TAFA5: variants seen among roughly 807,000 people sequenced by gnomAD.
TAFA5 encodes the protein TAFA chemokine like family member 5.
Under a neutral mutation model 15.3 loss-of-function variants are expected in TAFA5, and 6 were observed. The ratio of observed to expected loss-of-function variants is 0.39; its 90% CI spans 0.21 to 0.77. The LOEUF is 0.77. Ranked by LOEUF, TAFA5 falls within the 30% of genes least tolerant of loss-of-function variation. TAFA5 has a pLI of 0.41. For missense variants in TAFA5, 161 were observed against 193.1 expected (o/e 0.83, Z 0.98); for synonymous variants, 103 against 80.7 (o/e 1.28, Z -1.48).
chr22:48,590,896 G>A (rs1336725659), intron 1 of TAFA5, among the ~76,000 whole-genome samples: 1 of 151,340 alleles, frequency 6.6e-6, no homozygotes, highest in Non-Finnish European at 1.5e-5. Context: ...CTGTCATCCA[G>A]GCTGGAGTGC....
At chr22:48,543,896 C>T (rs1922559715) in intron 1 of TAFA5, 1 of 152,268 alleles carries the variant, frequency 6.6e-6, no homozygotes, top group South Asian at 2.1e-4. Flanking sequence ...TGGGTGATCC[C>T]CTTGTGGGGC....
intron 3 of TAFA5, among the ~76,000 whole-genome samples, chr22:48,723,997 C>T (rs1929643826): frequency 6.6e-6 from 1 of 152,236 alleles, no homozygotes; most frequent in Admixed American, 6.5e-5. Flanking sequence ...AACCCCTGCC[C>T]ATCTGGTCAT....
intron 1 of TAFA5, among the ~76,000 whole-genome samples, chr22:48,630,046 G>A (rs1463614064): frequency 6.6e-6 from 1 of 152,204 alleles, no homozygotes; most frequent in African/African-American, 2.4e-5. Context: ...GCCAATCCCA[G>A]CCTGGGAGGA....
intron 2 of TAFA5, among the ~76,000 whole-genome samples, chr22:48,666,178 G>A (rs954335378): frequency 7.9e-5 from 12 of 152,238 alleles, no homozygotes; most frequent in Middle Eastern, 3.4e-3. Context: ...GCAGATGGTC[G>A]GGGAGGTTCA....
chr22:48,675,066 C>T (rs554473662), intron 2 of TAFA5, among the ~76,000 whole-genome samples: 8 of 152,132 alleles, frequency 5.3e-5, no homozygotes, highest in South Asian at 4.2e-4. Context: ...CTTAGCCTCC[C>T]GAGTAGCTGG....
At chr22:48,506,044 A>G (rs1920991757) in intron 1 of TAFA5, among the ~76,000 whole-genome samples, 1 of 152,078 alleles carries the variant, frequency 6.6e-6, no homozygotes, top group African/African-American at 2.4e-5. Context: ...TCTTGGGAGC[A>G]GGTTTGTGCA....
chr22:48,510,860 G>A (rs1921184648), intron 1 of TAFA5, among the ~76,000 whole-genome samples: 1 of 152,236 alleles, frequency 6.6e-6, no homozygotes, highest in Admixed American at 6.5e-5. Flanking sequence ...GCAGGCATTT[G>A]ATAGACTTCC....
chr22:48,624,120 T>C (rs949577216), intron 1 of TAFA5, among the ~76,000 whole-genome samples: 13 of 152,210 alleles, frequency 8.5e-5, no homozygotes. Context: ...TTGATGACCC[T>C]GACAGTTTTG....
At chr22:48,555,489 A>G (rs1923003800) in intron 1 of TAFA5, among the ~76,000 whole-genome samples, 1 of 152,184 alleles carries the variant, frequency 6.6e-6, no homozygotes, top group Admixed American at 6.5e-5. Flanking sequence ...CACTCTGACA[A>G]CGTAGGTCTC....
At chr22:48,625,280 C>T (rs1925989137) in intron 1 of TAFA5, among the ~76,000 whole-genome samples, 3 of 152,168 alleles carry the variant, frequency 2.0e-5, no homozygotes, top group African/African-American at 4.8e-5. Flanking sequence ...GCCATGAATA[C>T]ACCGTGTGTA....
At chr22:48,696,872 A>T (rs1928729431) in intron 2 of TAFA5, among the ~76,000 whole-genome samples, 3 of 152,236 alleles carry the variant, frequency 2.0e-5, no homozygotes, top group Admixed American at 2.0e-4. Flanking sequence ...AGTCGCGCAA[A>T]GGCCCTAGGA....
intron 1 of TAFA5, among the ~76,000 whole-genome samples, chr22:48,588,515 A>T (rs558427284): frequency 6.0e-4 from 92 of 152,170 alleles, no homozygotes; most frequent in African/African-American, 2.1e-3. Flanking sequence ...GCTACCTTCA[A>T]AGTTGACAGT....
intron 1 of TAFA5, among the ~76,000 whole-genome samples, chr22:48,620,418 G>C (rs981423813): frequency 6.6e-6 from 1 of 152,028 alleles, no homozygotes; most frequent in Non-Finnish European, 1.5e-5. Flanking sequence ...TTTGGAGTTG[G>C]ACTTTTCTGA....
rs1928108832 is a variant in TAFA5, at chr22:48,490,431, C to T, written c.112+727C>T. On this transcript the variant is annotated intron_variant, in intron 1 of 3. Transcript: ENST00000402357. This position sits in a 1 kb window ranked among gnomAD's most constrained non-coding sequence, Gnocchi z 5.8. Reference sequence around the variant, plus strand: ...GGGCTGGGGTAGGGGGTGACCGCCGCGGGCTCCCTGTTGCCTGGAGTGAAG... The same window carrying T: ...GGGCTGGGGTAGGGGGTGACCGCCGTGGGCTCCCTGTTGCCTGGAGTGAAG... 6.6e-6 allele frequency among the ~76,000 whole-genome samples: 1 copy of T among 151,322 alleles called. No homozygotes were observed. Among genetic ancestry groups the T allele is most frequent in the African/African-American group, 2.4e-5 (1 of 41,170 alleles).
In TAFA5 at chr22:48,742,170, C is replaced by T. The variant is rs988020700; in HGVS notation, c.391-7669C>T. On this transcript the variant is annotated intron_variant, in intron 3 of 3. Transcript: ENST00000402357. This position sits in a 1 kb window ranked among gnomAD's most constrained non-coding sequence, Gnocchi z 6.2. ...CAACCCCACAGGCCCCCTCATCCTT[C>T]ACCAGGCACAGCCCTGCCCCACCCC... 5.3e-5 allele frequency among the ~76,000 whole-genome samples: 8 copies of T among 151,542 alleles called. No individual in the cohort carries two copies. Among genetic ancestry groups the T allele is most frequent in the African/African-American group, 1.9e-4 (8 of 41,188 alleles).
At chr22:48,492,209 A>G (rs1928179463) in intron 1 of TAFA5, among the ~76,000 whole-genome samples, 1 of 151,780 alleles carries the variant, frequency 6.6e-6, no homozygotes, top group African/African-American at 2.4e-5. Context: ...TTCTTCCAAT[A>G]GATCTGGGAT....
chr22:48,713,872 G>A (rs1395634574), intron 3 of TAFA5, among the ~76,000 whole-genome samples: 1 of 152,228 alleles, frequency 6.6e-6, no homozygotes, highest in South Asian at 2.1e-4. Flanking sequence ...TTCGTTCTCG[G>A]ATTCTGAGGG....
intron 2 of TAFA5, among the ~76,000 whole-genome samples, chr22:48,667,700 C>G (rs11204496): frequency 0.84 from 100,280 of 119,548 alleles, 42,788 homozygotes; most frequent in East Asian, 1. Flanking sequence ...GGGCCACAGA[C>G]TTTCTGTCAT....
At chr22:48,577,767 GGGCCA>G (rs1923872036) in intron 1 of TAFA5, among the ~76,000 whole-genome samples, 1 of 152,198 alleles carries the variant, frequency 6.6e-6, no homozygotes. Context: ...GTACAGAGGA[GGGCCA>G]GGTCTGAAGG....
Sources: gnomAD v4.1 joint callset for allele counts (sites outside exome capture counted in the v4.1 genomes callset) on GRCh38, gnomAD v4.1.1 for gene constraint, Gnocchi (gnomAD v3.1) non-coding constraint, MANE v1.5 for transcripts, NCBI Gene and HGNC (gene_info 2026-07-23, HGNC 2026-07-21) for gene names.